Variants in PCBP3 observed in about 807,000 individuals in gnomAD.
The protein encoded by PCBP3 is poly(rC)-binding protein 3.
In PCBP3, 25 loss-of-function variants were observed where a neutral mutation model predicts 52.7. The ratio of observed to expected loss-of-function variants is 0.47; its 90% CI spans 0.35 to 0.66. The LOEUF is 0.66. Ranked by LOEUF, PCBP3 falls within the 30% of genes least tolerant of loss-of-function variation. PCBP3 has a pLI of 0.01. For missense variants in PCBP3, 391 were observed against 490.3 expected, an observed-to-expected ratio of 0.80 and a Z score of 1.91; for synonymous variants, 162 against 183.0, an observed-to-expected ratio of 0.89 and a Z score of 0.93.
intron 4 of PCBP3, among the ~76,000 whole-genome samples, chr21:45,847,974 C>G (rs1300232834): frequency 6.6e-6 from 1 of 152,196 alleles, no homozygotes; most frequent in Non-Finnish European, 1.5e-5. Context: ...CTGTATCTGG[C>G]AGCTTCTCTG....
At chr21:45,855,212 G>A (rs1369788538) in intron 5 of PCBP3, among the ~76,000 whole-genome samples, 1 of 152,158 alleles carries the variant, frequency 6.6e-6, no homozygotes, top group Non-Finnish European at 1.5e-5. Flanking sequence ...AGTGCACCTG[G>A]GAAGCCAGTG....
Position 45,784,335 on chromosome 21 carries a change from G to GCTCTAGCTCTACCTCTACCTCTAC in PCBP3, c.-126+28888_-126+28889insGCTCTACCTCTACCTCTACCTCTA, listed in dbSNP as rs1555934161. ...CCACCAGGGAATGTTAATAGTGACA[G>GCTCTAGCTCTACCTCTACCTCTAC]CTCTACCTCTACCTCTACCTCTACC... is the stretch of plus-strand genomic sequence containing the variant. On this transcript the variant is annotated intron_variant, in intron 4 of 17. Coordinates refer to ENST00000681687, the MANE Select transcript of PCBP3 (RefSeq NM_001384156.1). Among the ~76,000 whole-genome samples the GCTCTAGCTCTACCTCTACCTCTAC allele has an allele frequency of 7.8e-4, 83 of 105,818 alleles. 1 individual carries two copies. The Middle Eastern group carries it at 0.012, about 16-fold the overall frequency. The allele number at this position is 105,818 out of a possible 152,430, so 69.4% of individuals were successfully genotyped here. A position where few individuals can be genotyped will look rare whatever the true frequency, so the allele number is the denominator to read the frequency against.
intron 4 of PCBP3, among the ~76,000 whole-genome samples, chr21:45,796,436 A>G (rs773306840): frequency 7.2e-5 from 11 of 152,172 alleles, no homozygotes; most frequent in Middle Eastern, 3.2e-3. Context: ...TGCTGTTCAC[A>G]TGTGTTTGCA....
intron 13 of PCBP3, chr21:45,919,427 G>A (rs552974292): frequency 1.3e-5 from 2 of 152,298 alleles, no homozygotes; most frequent in African/African-American, 4.8e-5. Context: ...GAGAAGGCAG[G>A]TCAGGAGTGT....
At chr21:45,708,066 G>A (rs2083572589) in intron 2 of PCBP3, among the ~76,000 whole-genome samples, 1 of 152,188 alleles carries the variant, frequency 6.6e-6, no homozygotes, top group South Asian at 2.1e-4. Context: ...TGGGACTGAG[G>A]AAGTTTAATT....
chr21:45,814,971 G>A (rs1260570455), intron 4 of PCBP3, among the ~76,000 whole-genome samples: 3 of 126,764 alleles, frequency 2.4e-5, no homozygotes, highest in Non-Finnish European at 5.0e-5. Flanking sequence ...TGAGTGGTGA[G>A]TGATGAGTGA....
chr21:45,941,194 T>C (rs1263770798), intron 17 of PCBP3, among the ~76,000 whole-genome samples: 1 of 152,174 alleles, frequency 6.6e-6, no homozygotes, highest in African/African-American at 2.4e-5. Flanking sequence ...AAGTGCAGCA[T>C]TGGCAAACCC....
intron 5 of PCBP3, among the ~76,000 whole-genome samples, chr21:45,889,770 C>G (rs1479833419): frequency 6.6e-6 from 1 of 152,230 alleles, no homozygotes; most frequent in East Asian, 1.9e-4. Flanking sequence ...ACGTGCTTGT[C>G]CATCTGCCTG....
intron 12 of PCBP3, chr21:45,916,364 C>T (rs1241108685): frequency 6.6e-6 from 1 of 152,238 alleles, no homozygotes; most frequent in Non-Finnish European, 1.5e-5. Flanking sequence ...ACAGTGAGGT[C>T]CTTGGTTCCT....
At chr21:45,865,929 G>A (rs1006232558) in intron 5 of PCBP3, among the ~76,000 whole-genome samples, 3 of 152,206 alleles carry the variant, frequency 2.0e-5, no homozygotes, top group African/African-American at 7.2e-5. Context: ...GGGACTCAGG[G>A]CCACAGGCCG....
At chr21:45,893,877 C>T (rs940238549) in intron 5 of PCBP3, 1 of 985,360 alleles carries the variant, frequency 1.0e-6, no homozygotes, top group Non-Finnish European at 1.2e-6. Flanking sequence ...CTGCTGCAGG[C>T]TCTACTTCAG....
At chr21:45,687,820 C>T (rs575910035) in intron 2 of PCBP3, among the ~76,000 whole-genome samples, 14 of 151,786 alleles carry the variant, frequency 9.2e-5, no homozygotes, top group African/African-American at 1.2e-4. Context: ...AAGCTCCACC[C>T]GCCAGGTTCA....
At chr21:45,902,784 C>T (rs2096095447) in intron 9 of PCBP3, among the ~76,000 whole-genome samples, 1 of 152,250 alleles carries the variant, frequency 6.6e-6, no homozygotes, top group Non-Finnish European at 1.5e-5. Context: ...GGCACAGACG[C>T]CAGCATGGCT....
At chr21:45,700,326 G>A (rs1341666041) in intron 2 of PCBP3, among the ~76,000 whole-genome samples, 1 of 152,134 alleles carries the variant, frequency 6.6e-6, no homozygotes, top group African/African-American at 2.4e-5. Flanking sequence ...TTAGTCTTAC[G>A]GTTTAAGGAA....
At chr21:45,682,144 T>G (rs2081892674) in intron 2 of PCBP3, among the ~76,000 whole-genome samples, 1 of 152,208 alleles carries the variant, frequency 6.6e-6, no homozygotes, top group East Asian at 1.9e-4. Context: ...CTTGCTAGGC[T>G]GTCCCTTTTC....
rs1424242654 is a variant in PCBP3, at chr21:45,837,211, G to A, written c.-125-12750G>A. ...ACCAACATTCTGAATGTTTGCCAATGCAGTGAATGTAAATAACGTTTCACT... is the reference window on the plus strand; with the variant it reads ...ACCAACATTCTGAATGTTTGCCAATACAGTGAATGTAAATAACGTTTCACT... On this transcript the variant is annotated intron_variant, in intron 4 of 17. Transcript: ENST00000681687. This position sits in a 1 kb window ranked among gnomAD's most constrained non-coding sequence, Gnocchi z 4.1. Among the ~76,000 whole-genome samples the A allele has an allele frequency of 6.6e-6, 1 of 152,246 alleles. No homozygotes were observed. The highest frequency in any genetic ancestry group is 2.4e-5 in the African/African-American group (1 of 41,476).
At chr21:45,834,435 T>C (rs989665824) in intron 4 of PCBP3, among the ~76,000 whole-genome samples, 2 of 152,244 alleles carry the variant, frequency 1.3e-5, no homozygotes, top group Non-Finnish European at 2.9e-5. Context: ...TGTGACTGTC[T>C]AGGGGTGGCG....
At chr21:45,839,583 G>C (rs2093656704) in intron 4 of PCBP3, among the ~76,000 whole-genome samples, 1 of 152,108 alleles carries the variant, frequency 6.6e-6, no homozygotes, top group Non-Finnish European at 1.5e-5. Context: ...AAAATCCTTG[G>C]TTCACATTTT....
chr21:45,672,784 A>G (rs527569153), intron 2 of PCBP3, among the ~76,000 whole-genome samples: 4 of 152,238 alleles, frequency 2.6e-5, no homozygotes, highest in South Asian at 2.1e-4. Context: ...GTTCAGTCGC[A>G]TATCTTACTC....
Sources: gnomAD v4.1 joint callset for allele counts (sites outside exome capture counted in the v4.1 genomes callset) on GRCh38, gnomAD v4.1.1 for gene constraint, Gnocchi (gnomAD v3.1) non-coding constraint, MANE v1.5 for transcripts, NCBI Gene and HGNC (gene_info 2026-07-23, HGNC 2026-07-21) for gene names.